Variants in ASCC1 observed in about 807,000 individuals in gnomAD.
ASCC1 encodes the protein activating signal cointegrator 1 complex subunit 1.
Under a neutral mutation model 46.6 loss-of-function variants are expected in ASCC1, and 35 were observed. The observed-to-expected ratio is 0.75, with a 90% CI of 0.57 to 0.99. The LOEUF is 0.99. Ranked by LOEUF, ASCC1 falls within the 50% of genes least tolerant of loss-of-function variation. The pLI, the probability that ASCC1 is intolerant of heterozygous loss-of-function variation, is 0.00. For missense variants in ASCC1, 376 were observed against 428.7 expected, an observed-to-expected ratio of 0.88 and a Z score of 1.09; for synonymous variants, 143 against 146.6, an observed-to-expected ratio of 0.98 and a Z score of 0.18.
chr10:72,179,550 A>C (rs1340618381), intron 5 of ASCC1, among the ~76,000 whole-genome samples: 1 of 152,182 alleles, frequency 6.6e-6, no homozygotes, highest in Non-Finnish European at 1.5e-5. Flanking sequence ...CAGATGCTAG[A>C]TCCTACGCAA....
chr10:72,213,596 A>C (rs1408474085), intron 1 of ASCC1, among the ~76,000 whole-genome samples: 41 of 145,698 alleles, frequency 2.8e-4, no homozygotes, highest in Non-Finnish European at 4.8e-4. Flanking sequence ...AAAGGCATAC[A>C]CTCTTAAAAA....
Position 72,133,045 on chromosome 10 carries a change from T to C in ASCC1, c.871+12A>G, listed in dbSNP as rs1418427820. 1.9e-6 allele frequency: 3 copies of C among 1,614,014 alleles called. No homozygotes were observed. Among genetic ancestry groups the C allele is most frequent in the Admixed American group, 1.7e-5 (1 of 60,014 alleles). On this transcript the variant is annotated intron_variant, in intron 8 of 9. Coordinates refer to ENST00000672957, the MANE Select transcript of ASCC1 (RefSeq NM_001198800.3). ...GATCACAAACTGTGCTATAGTTCTC[T>C]GGGGGACTTACCATTGGGGTCTTTC...
At chr10:72,179,790 CAATT>C (rs1454194235) in intron 5 of ASCC1, among the ~76,000 whole-genome samples, 2 of 151,996 alleles carry the variant, frequency 1.3e-5, no homozygotes, top group South Asian at 2.1e-4. Context: ...ACTCAATTAT[CAATT>C]GAGTGAATAA....
At chr10:72,196,679 G>A (rs1855477172) in intron 5 of ASCC1, 132 bp downstream of exon 5, 12 of 907,640 alleles carry the variant, frequency 1.3e-5, no homozygotes, top group Non-Finnish European at 2.0e-5. Context: ...AATATAAGAA[G>A]CCAAAAGAAA....
intron 7 of ASCC1, among the ~76,000 whole-genome samples, chr10:72,151,441 G>A (rs1202083993): frequency 1.3e-5 from 2 of 151,270 alleles, no homozygotes; most frequent in Non-Finnish European, 2.9e-5. Context: ...ACCTGGACCT[G>A]TTGTGGTGTG....
chr10:72,190,665 T>A (rs779520478), intron 5 of ASCC1: 20 of 697,426 alleles, frequency 2.9e-5, no homozygotes, highest in Admixed American at 1.2e-4. Context: ...TTAAAGCTAG[T>A]CTGCAAATTA....
chr10:72,118,322 G>A (rs981149023), intron 9 of ASCC1, among the ~76,000 whole-genome samples: 7 of 150,436 alleles, frequency 4.7e-5, no homozygotes, highest in African/African-American at 9.8e-5. Flanking sequence ...AGCCAAGATC[G>A]TGCCACTGCA....
chr10:72,145,321 T>TCTA (rs2132465284), intron 7 of ASCC1, among the ~76,000 whole-genome samples: 1 of 152,330 alleles, frequency 6.6e-6, no homozygotes, highest in Admixed American at 6.5e-5. Context: ...CAAGCACCCC[T>TCTA]CTAATTTCTT....
intron 5 of ASCC1, among the ~76,000 whole-genome samples, chr10:72,174,902 A>G (rs553951863): frequency 3.3e-5 from 5 of 152,336 alleles, no homozygotes; most frequent in South Asian, 2.1e-4. Flanking sequence ...CAAAACCTAA[A>G]TAATTATCTG....
chr10:72,204,477 A>C, intron 3 of ASCC1: 1 of 1,550,490 alleles, frequency 6.4e-7, no homozygotes, highest in Middle Eastern at 1.7e-4. Context: ...TGGAACCCAC[A>C]GTCGTTTGAT....
chr10:72,123,303 C>T (rs1433410464), intron 9 of ASCC1, among the ~76,000 whole-genome samples: 1 of 148,764 alleles, frequency 6.7e-6, no homozygotes, highest in Non-Finnish European at 1.5e-5. Context: ...CGTGCCACTG[C>T]ACTCCAGCCT....
rs1278317918 is a variant in ASCC1, at chr10:72,200,682, G to A, written c.310+2745C>T. Among the ~76,000 whole-genome samples the A allele has an allele frequency of 6.0e-5, 9 of 149,666 alleles. No homozygotes were observed. In the East Asian group the frequency reaches 1.4e-3, roughly 23 times the overall value. The stretch of plus-strand genomic sequence containing the variant: ...TCCATCTCAAAAAAAAAAAAAAATA[G>A]ATGAAGTAACTTTTAATGCAATTAT... On this transcript the variant is annotated intron_variant, in intron 4 of 9. Coordinates refer to ENST00000672957, the MANE Select transcript of ASCC1 (RefSeq NM_001198800.3).
intron 9 of ASCC1, among the ~76,000 whole-genome samples, chr10:72,098,075 T>C (rs1841297352): frequency 1.3e-5 from 2 of 152,202 alleles, no homozygotes; most frequent in Admixed American, 6.5e-5. Context: ...TAGACTTGGA[T>C]TCAAGCCAGC....
At chr10:72,208,797 G>C (rs1027732880) in intron 3 of ASCC1, among the ~76,000 whole-genome samples, 3 of 151,994 alleles carry the variant, frequency 2.0e-5, no homozygotes, top group Admixed American at 2.0e-4. Context: ...GTGTGTGTGT[G>C]TGTGTAGAGA....
chr10:72,172,938 TA>T (rs1354640719), intron 5 of ASCC1, among the ~76,000 whole-genome samples: 5 of 138,428 alleles, frequency 3.6e-5, no homozygotes, highest in African/African-American at 1.1e-4. Flanking sequence ...ATATATTTTA[TA>T]TTATATATTA....
chr10:72,204,806 T>C (rs753190988), intron 3 of ASCC1, among the ~76,000 whole-genome samples: 16 of 152,196 alleles, frequency 1.1e-4, no homozygotes, highest in Non-Finnish European at 2.4e-4. Context: ...GGGATAGAGA[T>C]TGTAGGGCAC....
At chr10:72,193,142 T>C (rs761763948) in intron 5 of ASCC1, among the ~76,000 whole-genome samples, 2 of 152,172 alleles carry the variant, frequency 1.3e-5, no homozygotes, top group Non-Finnish European at 2.9e-5. Flanking sequence ...GGTATTTTAC[T>C]GTAAAGAAAT....
intron 5 of ASCC1, among the ~76,000 whole-genome samples, chr10:72,184,135 C>T (rs1472276200): frequency 1.3e-5 from 2 of 150,886 alleles, no homozygotes; most frequent in South Asian, 2.1e-4. Flanking sequence ...CAGAGCCAGA[C>T]TCCATCTCAA....
chr10:72,105,234 G>C (rs1347776377), intron 9 of ASCC1, among the ~76,000 whole-genome samples: 1 of 152,222 alleles, frequency 6.6e-6, no homozygotes, highest in East Asian at 1.9e-4. Context: ...CCACTGAGCT[G>C]ATCACACGCT....
Sources: allele counts gnomAD v4.1 joint callset (sites outside exome capture counted in the v4.1 genomes callset), GRCh38; gene constraint gnomAD v4.1.1; transcripts MANE v1.5; gene names NCBI Gene and HGNC (gene_info 2026-07-23, HGNC 2026-07-21).